Variants in RACGAP1 observed in about 807,000 individuals in gnomAD.
The protein encoded by RACGAP1 is rac GTPase-activating protein 1.
RACGAP1 carries 30 observed loss-of-function variants against 78.1 expected under a neutral mutation model. The ratio of observed to expected loss-of-function variants is 0.38; its 90% CI spans 0.29 to 0.52. The LOEUF (loss-of-function observed/expected upper bound fraction) is 0.52. Among genes scored for constraint, RACGAP1 ranks in the 20% least tolerant of loss-of-function variants. The pLI is 0.82. For synonymous variants in RACGAP1, 231 were observed against 264.8 expected, an observed-to-expected ratio of 0.87 and a Z score of 1.24; for missense variants, 587 against 777.1, an observed-to-expected ratio of 0.76 and a Z score of 2.91.
At position 50,005,324 on chromosome 12, in the gene RACGAP1, C is replaced by T; in HGVS notation, c.357G>A (p.Glu119=). 1 of 1,614,210 alleles carries T rather than the reference C, an allele frequency of 6.2e-7. No homozygotes were observed. Among genetic ancestry groups the T allele is most frequent in the Non-Finnish European group, 8.5e-7 (1 of 1,180,024 alleles). ...CDTSGSIQLS[E]EQKSALAFLN... Reference sequence around the variant, plus strand: ...GAAAAGCCAGAGCTGATTTTTGCTCCTCGCTTAGTTGAATGCTGCCAGATG... The same window carrying T: ...GAAAAGCCAGAGCTGATTTTTGCTCTTCGCTTAGTTGAATGCTGCCAGATG... The change falls in exon 4 of 17, where the codon GAG becomes GAA. Residue 119 remains glutamate, a synonymous_variant. Transcript: ENST00000312377.
chr12:50,028,994 G>T (rs1950305512), upstream of RACGAP1, among the ~76,000 whole-genome samples: 1 of 152,020 alleles, frequency 6.6e-6, no homozygotes, highest in African/African-American at 2.4e-5. Flanking sequence ...GAGGTGGGCA[G>T]ATCACGAGGT....
rs60664308 is a variant in RACGAP1 at position 50,020,344 on chromosome 12, A to ATT, written c.-4-3627_-4-3626dup. The stretch of plus-strand genomic sequence containing the variant: ...AGGTGCCCACCACCAGGCCCAGCTA[A>ATT]TTTTTTTTTTTGTATTTTTAGTAGA... On this transcript the variant is annotated intron_variant, in intron 1 of 16. Transcript: ENST00000312377. Among the ~76,000 whole-genome samples, 459 of 147,338 alleles carry ATT rather than the reference A, an allele frequency of 3.1e-3. 1 individual carries two copies. The highest frequency in any genetic ancestry group is 6.9e-3 in the Middle Eastern group (2 of 290).
intron 1 of RACGAP1, among the ~76,000 whole-genome samples, chr12:50,032,393 G>T (rs1025801622): frequency 6.6e-6 from 1 of 152,120 alleles, no homozygotes; most frequent in Non-Finnish European, 1.5e-5. Context: ...CAATAGGACG[G>T]TGTCCCAAAT....
chr12:50,027,698 C>T (rs538920709), upstream of RACGAP1, among the ~76,000 whole-genome samples: 4 of 152,092 alleles, frequency 2.6e-5, no homozygotes, highest in Non-Finnish European at 4.4e-5. Flanking sequence ...TGGTGGCAGA[C>T]GCCTGTAATC....
rs540814831 is a variant in RACGAP1 at position 49,997,272 on chromosome 12, CTT to C, written c.880-70_880-69del. 0.05 allele frequency: 55,020 copies of C among 1,104,432 alleles called. 2,470 individuals carry two copies. Among genetic ancestry groups the C allele is most frequent in the African/African-American group, 0.38 (20,882 of 54,798 alleles). The allele number at this position is 1,104,432 out of a possible 1,614,324, so 68.4% of individuals were successfully genotyped here. A position where few individuals can be genotyped will look rare whatever the true frequency, so the allele number is the denominator to read the frequency against. On this transcript the variant is annotated intron_variant, in intron 9 of 16. Transcript: ENST00000312377. ...GAAAATTATCATCATAATCAACTAA[CTT>C]TTTTTTTTTTTTTTTTTTGAGACCG...
chr12:50,005,786 C>T (rs953539175), intron 3 of RACGAP1, among the ~76,000 whole-genome samples: 2 of 152,166 alleles, frequency 1.3e-5, no homozygotes, highest in African/African-American at 4.8e-5. Flanking sequence ...GAGCAAAATG[C>T]ATTAAAATGG....
intron 6 of RACGAP1, 96 bp downstream of exon 6, chr12:50,002,151 G>C (rs1194163793): frequency 8.1e-6 from 7 of 868,148 alleles, no homozygotes; most frequent in East Asian, 5.2e-5. Context: ...ACAATGGCTA[G>C]AGCAACATGA....
chr12:50,033,167 G>A (rs938381637), upstream of RACGAP1: 3 of 152,480 alleles, frequency 2.0e-5, no homozygotes, highest in Admixed American at 1.3e-4. Flanking sequence ...GCCCTCTGGA[G>A]GTCTGGCTCC....
At chr12:50,031,205 G>A (rs886339074) in intron 2 of RACGAP1, among the ~76,000 whole-genome samples, 37 of 151,812 alleles carry the variant, frequency 2.4e-4, no homozygotes, top group Admixed American at 1.2e-3. Flanking sequence ...TGCCGTGCGC[G>A]GTGGCTCACA....
intron 6 of RACGAP1, 36 bp downstream of exon 6, chr12:50,002,206 ATTACT>A: frequency 3.8e-6 from 6 of 1,587,164 alleles, no homozygotes; most frequent in Non-Finnish European, 5.2e-6. Flanking sequence ...TAACTCCATT[ATTACT>A]TTGTTTTAAA....
intron 3 of RACGAP1, among the ~76,000 whole-genome samples, chr12:50,005,690 C>T (rs1295215444): frequency 6.6e-6 from 1 of 152,180 alleles, no homozygotes; most frequent in Non-Finnish European, 1.5e-5. Context: ...ATAGATTTCA[C>T]ATAGCAAAAA....
chr12:49,995,304 C>G (rs1166158782), intron 10 of RACGAP1, among the ~76,000 whole-genome samples: 1 of 151,966 alleles, frequency 6.6e-6, no homozygotes, highest in Non-Finnish European at 1.5e-5. Flanking sequence ...GTCGAGATTG[C>G]GCCATTGCAC....
intron 2 of RACGAP1, among the ~76,000 whole-genome samples, chr12:50,014,069 A>G (rs1475334616): frequency 6.6e-6 from 1 of 152,200 alleles, no homozygotes; most frequent in Non-Finnish European, 1.5e-5. Flanking sequence ...CTGTAAGTGG[A>G]TAAGAGCTAT....
chr12:49,999,847 C>T (rs1948545074), intron 7 of RACGAP1, 114 bp from the exon 8 acceptor site: 1 of 763,310 alleles, frequency 1.3e-6, no homozygotes, highest in Admixed American at 2.1e-5. Context: ...ACTTAAGACC[C>T]CAGTCTGATA....
At chr12:49,998,171 G>C (rs970179278) in intron 9 of RACGAP1, among the ~76,000 whole-genome samples, 4 of 152,094 alleles carry the variant, frequency 2.6e-5, no homozygotes, top group Non-Finnish European at 5.9e-5. Flanking sequence ...GGGAGGCTGA[G>C]GCGGGAGGAT....
At chr12:50,009,659 G>A (rs576386328) in intron 2 of RACGAP1, among the ~76,000 whole-genome samples, 3 of 152,258 alleles carry the variant, frequency 2.0e-5, no homozygotes, top group South Asian at 2.1e-4. Context: ...ATGAAAAGCC[G>A]CTGTTCAAAT....
upstream of RACGAP1, among the ~76,000 whole-genome samples, chr12:50,027,045 T>A (rs1950280849): frequency 6.6e-6 from 1 of 152,176 alleles, no homozygotes; most frequent in African/African-American, 2.4e-5. Flanking sequence ...GTACTTCACT[T>A]CCTCCAAGTA....
At position 50,017,884 on chromosome 12, in the gene RACGAP1, C is replaced by T. The variant is rs566575464; in HGVS notation, c.-4-1165G>A. Among the ~76,000 whole-genome samples the T allele has an allele frequency of 2.6e-5, 4 of 152,272 alleles. No homozygotes were observed. The South Asian group carries it at 6.2e-4, about 24-fold the overall frequency. On this transcript the variant is annotated intron_variant, in intron 1 of 16. Transcript: ENST00000312377. ...AGAATATATGAACATAGGCTGGGCACGGCAGCTCACGCCTGTAATCCCAGC... is the reference window on the plus strand; with the variant it reads ...AGAATATATGAACATAGGCTGGGCATGGCAGCTCACGCCTGTAATCCCAGC...
At chr12:49,998,506 C>T (rs1008598110) in intron 9 of RACGAP1, among the ~76,000 whole-genome samples, 1 of 152,094 alleles carries the variant, frequency 6.6e-6, no homozygotes, top group Non-Finnish European at 1.5e-5. Flanking sequence ...AGTTAATTTG[C>T]TTGGATTTTT....
Sources: allele counts gnomAD v4.1 joint callset (sites outside exome capture counted in the v4.1 genomes callset), GRCh38; gene constraint gnomAD v4.1.1; transcripts MANE v1.5; gene names NCBI Gene and HGNC (gene_info 2026-07-23, HGNC 2026-07-21).